The following CMSS1 variants were observed in gnomAD, a reference collection of about 807,000 sequenced individuals.
CMSS1 encodes the protein cms1 ribosomal small subunit homolog.
In CMSS1, 33 loss-of-function variants were observed where a neutral mutation model predicts 43.5. The observed-to-expected ratio is 0.76, with a 90% CI of 0.57 to 1.01. The LOEUF (loss-of-function observed/expected upper bound fraction) is 1.01, where lower values mean the gene tolerates loss of function less well. Ranked by LOEUF, CMSS1 falls within the 50% of genes least tolerant of loss-of-function variation. The probability of loss-of-function intolerance (pLI) is 0.00; values close to 1 mark genes in which losing one functional copy is unlikely to be tolerated. For synonymous variants in CMSS1, 115 were observed against 117.2 expected (o/e 0.98, Z 0.12); for missense variants, 313 against 326.4 (o/e 0.96, Z 0.32).
intron 1 of CMSS1, chr3:100,023,635 T>C (rs1227958461): frequency 6.6e-6 from 1 of 152,392 alleles, no homozygotes; most frequent in Non-Finnish European, 1.5e-5. Context: ...ATAATGTAGA[T>C]CTCCAGAAGA....
chr3:99,988,817 C>G (rs1709430242), intron 1 of CMSS1, among the ~76,000 whole-genome samples: 1 of 152,138 alleles, frequency 6.6e-6, no homozygotes, highest in Non-Finnish European at 1.5e-5. Flanking sequence ...TTGGGCTGTT[C>G]TTTCATTGGT....
At chr3:100,078,418 T>A (rs2065882391) in intron 1 of CMSS1, among the ~76,000 whole-genome samples, 1 of 152,212 alleles carries the variant, frequency 6.6e-6, no homozygotes, top group Admixed American at 6.5e-5. Context: ...TTGTCTTAAT[T>A]CTCTATTGCT....
chr3:100,128,816 T>C (rs1235923428), intron 1 of CMSS1, among the ~76,000 whole-genome samples: 11 of 152,244 alleles, frequency 7.2e-5, no homozygotes, highest in Non-Finnish European at 1.6e-4. Flanking sequence ...TTAATCCACG[T>C]TGTTGCATTT....
intron 1 of CMSS1, among the ~76,000 whole-genome samples, chr3:99,836,572 C>T (rs1210108512): frequency 6.6e-6 from 1 of 152,166 alleles, no homozygotes; most frequent in African/African-American, 2.4e-5. Context: ...TTTTCTTCTC[C>T]CACCATAGGT....
intron 1 of CMSS1, among the ~76,000 whole-genome samples, chr3:100,094,005 G>A (rs949418631): frequency 2.6e-5 from 4 of 152,136 alleles, no homozygotes; most frequent in Admixed American, 1.3e-4. Flanking sequence ...GGTTCATATG[G>A]TAGTTTTATA....
intron 1 of CMSS1, among the ~76,000 whole-genome samples, chr3:99,925,208 A>G (rs557226756): frequency 7.2e-5 from 11 of 152,216 alleles, no homozygotes; most frequent in Non-Finnish European, 2.9e-5. Context: ...AAATAGATCT[A>G]TGAATAGATA....
chr3:100,025,071 C>G (rs1203136756), intron 1 of CMSS1, among the ~76,000 whole-genome samples: 2 of 152,160 alleles, frequency 1.3e-5, no homozygotes, highest in Non-Finnish European at 1.5e-5. Context: ...TTGAATTCTT[C>G]CTGATAATAA....
intron 1 of CMSS1, among the ~76,000 whole-genome samples, chr3:100,024,706 T>C (rs895905698): frequency 6.6e-6 from 1 of 152,172 alleles, no homozygotes; most frequent in South Asian, 2.1e-4. Context: ...TTATTCAGCA[T>C]GTGTGGGCTC....
In CMSS1 at chr3:100,052,429, C is replaced by T. The variant is rs142034442; in HGVS notation, c.65-94544C>T. 4.6e-3 allele frequency among the ~76,000 whole-genome samples: 707 copies of T among 152,166 alleles called. 2 individuals carry two copies. The highest frequency in any genetic ancestry group is 7.1e-3 in the South Asian group (34 of 4,810). ...GTGGTGGTGATGGTAGTGGTGTATC[C>T]GTGTGCATGTCCTATTAGAACTGAG... is the stretch of plus-strand genomic sequence containing the variant. On this transcript the variant is annotated intron_variant, in intron 1 of 9. Coordinates refer to ENST00000421999, the MANE Select transcript of CMSS1 (RefSeq NM_032359.4).
intron 1 of CMSS1, among the ~76,000 whole-genome samples, chr3:99,947,603 G>A (rs946601934): frequency 6.6e-5 from 10 of 152,156 alleles, no homozygotes; most frequent in South Asian, 4.1e-4. Flanking sequence ...ATATCTGTTC[G>A]TTGTTTTAAA....
chr3:100,062,305 G>C (rs1012342821), intron 1 of CMSS1, among the ~76,000 whole-genome samples: 1 of 151,512 alleles, frequency 6.6e-6, no homozygotes, highest in Admixed American at 6.6e-5. Context: ...TGGAGACGAG[G>C]TTTCACCGTG....
intron 1 of CMSS1, among the ~76,000 whole-genome samples, chr3:99,829,651 C>T (rs1209275260): frequency 6.6e-6 from 1 of 152,058 alleles, no homozygotes; most frequent in South Asian, 2.1e-4. Flanking sequence ...AACTGATTTT[C>T]GATAGTGTTT....
chr3:100,041,611 C>T (rs998629207), intron 1 of CMSS1, among the ~76,000 whole-genome samples: 1 of 152,108 alleles, frequency 6.6e-6, no homozygotes, highest in Non-Finnish European at 1.5e-5. Context: ...ATAAAAATTA[C>T]AGGAAAGATG....
chr3:99,986,713 G>A (rs1035228754), intron 1 of CMSS1, among the ~76,000 whole-genome samples: 1 of 152,178 alleles, frequency 6.6e-6, no homozygotes, highest in Non-Finnish European at 1.5e-5. Context: ...TCTTCCTCTA[G>A]TCTAGTGGCC....
chr3:99,947,137 CA>C (rs397829321), intron 1 of CMSS1, among the ~76,000 whole-genome samples: 30 of 88,802 alleles, frequency 3.4e-4, no homozygotes, highest in Admixed American at 5.3e-4. Flanking sequence ...GACTCTGTCT[CA>C]AAAAAAAAAA....
At chr3:100,161,053 C>T (rs917360698) in intron 3 of CMSS1, among the ~76,000 whole-genome samples, 1 of 152,146 alleles carries the variant, frequency 6.6e-6, no homozygotes, top group African/African-American at 2.4e-5. Context: ...CATATACAAA[C>T]TTTTTTATGG....
At chr3:100,156,601 G>A (rs1048894516) in intron 2 of CMSS1, among the ~76,000 whole-genome samples, 12 of 138,214 alleles carry the variant, frequency 8.7e-5, no homozygotes, top group South Asian at 2.3e-4. Flanking sequence ...GCCACCACGC[G>A]CAGCCTTTTT....
At chr3:99,887,162 G>A (rs1166832354) in intron 1 of CMSS1, among the ~76,000 whole-genome samples, 9 of 151,750 alleles carry the variant, frequency 5.9e-5, no homozygotes, top group East Asian at 1.9e-4. Flanking sequence ...CCAGCTACTC[G>A]AGAGGCTAAC....
At chr3:99,825,880 C>T (rs550117539) in intron 1 of CMSS1, among the ~76,000 whole-genome samples, 21 of 149,238 alleles carry the variant, frequency 1.4e-4, no homozygotes, top group Non-Finnish European at 2.7e-4. Context: ...TGAGTTGAAG[C>T]GATTCTCCTG....
Sources: gnomAD v4.1 joint callset for allele counts (sites outside exome capture counted in the v4.1 genomes callset) on GRCh38, gnomAD v4.1.1 for gene constraint, MANE v1.5 for transcripts, NCBI Gene and HGNC (gene_info 2026-07-23, HGNC 2026-07-21) for gene names.